Variants in CMC1 observed in about 807,000 individuals in gnomAD.
CMC1 encodes COX assembly mitochondrial protein homolog.
Under a neutral mutation model 14.1 loss-of-function variants are expected in CMC1, and 14 were observed. The observed-to-expected ratio is 0.99, with a 90% confidence interval of 0.66 to 1.55. The LOEUF (loss-of-function observed/expected upper bound fraction) is 1.55, where lower values mean the gene tolerates loss of function less well. Among genes scored for constraint, CMC1 ranks in the 40% most tolerant of loss-of-function variants. CMC1 has a pLI of 0.00. For missense variants in CMC1, 127 were observed against 123.8 expected (o/e 1.03, Z -0.12); for synonymous variants, 50 against 38.4 (o/e 1.30, Z -1.12).
intron 2 of CMC1, among the ~76,000 whole-genome samples, chr3:28,308,995 T>C (rs116356268): frequency 3.7e-5 from 2 of 53,606 alleles, no homozygotes; most frequent in Admixed American, 5.3e-4. Flanking sequence ...AAAAAATAAA[T>C]AAATAAATAA....
intron 2 of CMC1, among the ~76,000 whole-genome samples, chr3:28,307,446 T>G (rs1479281095): frequency 6.6e-6 from 1 of 152,108 alleles, no homozygotes; most frequent in Non-Finnish European, 1.5e-5. Flanking sequence ...GGAGGATCAC[T>G]TGAGCCCAGA....
chr3:28,304,239 C>G (rs1408033440), intron 2 of CMC1, among the ~76,000 whole-genome samples: 1 of 151,882 alleles, frequency 6.6e-6, no homozygotes, highest in Non-Finnish European at 1.5e-5. Flanking sequence ...AAAATAATAT[C>G]TTTTTAACAT....
At chr3:28,279,801 T>A (rs182370416) in intron 2 of CMC1, among the ~76,000 whole-genome samples, 1 of 152,132 alleles carries the variant, frequency 6.6e-6, no homozygotes, top group East Asian at 1.9e-4. Flanking sequence ...TGTAGGACAA[T>A]AACATAAGGA....
intron 2 of CMC1, among the ~76,000 whole-genome samples, chr3:28,287,442 C>T (rs1280836074): frequency 1.3e-5 from 2 of 152,066 alleles, no homozygotes; most frequent in Admixed American, 1.3e-4. Flanking sequence ...GAGTTAGACT[C>T]CTACTGTTTT....
intron 2 of CMC1, among the ~76,000 whole-genome samples, chr3:28,308,987 AAAATAAAT>A (rs71087687): frequency 1.8e-5 from 1 of 54,630 alleles, no homozygotes; most frequent in Admixed American, 2.4e-4. Context: ...GTCTCAAAAA[AAAATAAAT>A]AAATAAATAA....
intron 2 of CMC1, among the ~76,000 whole-genome samples, chr3:28,296,519 A>C (rs201486556): frequency 2.0e-5 from 3 of 152,032 alleles, no homozygotes; most frequent in African/African-American, 7.2e-5. Context: ...TTTTAAAATT[A>C]AAAATATTCT....
At chr3:28,282,567 G>T (rs1446172403) in intron 2 of CMC1, among the ~76,000 whole-genome samples, 1 of 152,116 alleles carries the variant, frequency 6.6e-6, no homozygotes, top group African/African-American at 2.4e-5. Context: ...ACATATTTTA[G>T]CTATGTTTAG....
At chr3:28,241,894 T>G in intron 1 of CMC1, 82 bp downstream of exon 1, 1 of 1,206,436 alleles carries the variant, frequency 8.3e-7, no homozygotes, top group Non-Finnish European at 1.0e-6. Flanking sequence ...GATGCCGACC[T>G]GGGAAAGGTG....
At chr3:28,281,335 G>A (rs903823012) in intron 2 of CMC1, among the ~76,000 whole-genome samples, 3 of 152,130 alleles carry the variant, frequency 2.0e-5, no homozygotes, top group Non-Finnish European at 4.4e-5. Flanking sequence ...ATTTCTAAGT[G>A]TTGGTAATAT....
rs931604969 is a variant in CMC1 at position 28,324,621 on chromosome 3, A to C, written c.*4992A>C. 1 of 532,506 alleles carries C rather than the reference A, an allele frequency of 1.9e-6. No homozygotes were observed. Among genetic ancestry groups the C allele is most frequent in the African/African-American group, 1.9e-5 (1 of 51,300 alleles). 33.0% of individuals were successfully genotyped at this position (532,506 alleles called of 1,614,324 possible). Reference sequence around the variant, plus strand: ...TAGGAGATAAATGACAGATGATCTGAGTTTTAATCCTGGATCAGCAATTTA... The same window carrying C: ...TAGGAGATAAATGACAGATGATCTGCGTTTTAATCCTGGATCAGCAATTTA... On this transcript the variant is annotated 3_prime_UTR_variant, in exon 4 of 4. Coordinates refer to ENST00000466830, the MANE Select transcript of CMC1 (RefSeq NM_182523.2).
chr3:28,256,703 G>T (rs1387214044), intron 1 of CMC1, among the ~76,000 whole-genome samples: 1 of 152,194 alleles, frequency 6.6e-6, no homozygotes, highest in Non-Finnish European at 1.5e-5. Flanking sequence ...GATAAGGGAG[G>T]AGAGTCATAG....
chr3:28,245,842 T>TA (rs1698797582), intron 1 of CMC1, among the ~76,000 whole-genome samples: 1 of 152,212 alleles, frequency 6.6e-6, no homozygotes, highest in African/African-American at 2.4e-5. Flanking sequence ...TACTAGCCCT[T>TA]ACATTTACTA....
chr3:28,275,972 G>A (rs1371453705), intron 2 of CMC1, among the ~76,000 whole-genome samples: 2 of 152,174 alleles, frequency 1.3e-5, no homozygotes, highest in Non-Finnish European at 2.9e-5. Context: ...GGCACCGGCA[G>A]GGGAAAATGG....
intron 1 of CMC1, chr3:28,253,706 A>C (rs1372306949): frequency 8.0e-7 from 1 of 1,257,552 alleles, no homozygotes; most frequent in Non-Finnish European, 1.0e-6. Context: ...GTTTATTACA[A>C]GCATTTTTCA....
intron 2 of CMC1, among the ~76,000 whole-genome samples, chr3:28,280,188 C>T (rs1445774519): frequency 6.6e-6 from 1 of 152,076 alleles, no homozygotes; most frequent in Non-Finnish European, 1.5e-5. Flanking sequence ...GAACAGGCAA[C>T]ATTTATATAG....
chr3:28,266,757 A>T (rs1677925928), intron 2 of CMC1, among the ~76,000 whole-genome samples: 1 of 152,178 alleles, frequency 6.6e-6, no homozygotes. Context: ...CAAGATTATA[A>T]ACTCTGTTGA....
At position 28,324,068 on chromosome 3, in the gene CMC1, T is replaced by G. The variant is rs760583511; in HGVS notation, c.*4439T>G. On this transcript the variant is annotated 3_prime_UTR_variant, in exon 4 of 4. Transcript: ENST00000466830. ...TAATTCTTATAAAGGCAGTTCTGAT[T>G]ATGTTGATCCAAGTAATGCAGTGGT... 1 of 1,609,018 alleles carries G rather than the reference T, an allele frequency of 6.2e-7. No homozygotes were observed. Among genetic ancestry groups the G allele is most frequent in the Non-Finnish European group, 8.5e-7 (1 of 1,176,670 alleles).
intron 2 of CMC1, among the ~76,000 whole-genome samples, chr3:28,310,827 C>T: frequency 6.6e-6 from 1 of 152,144 alleles, no homozygotes; most frequent in East Asian, 1.9e-4. Flanking sequence ...TGAAACTATT[C>T]CACCTCAGAT....
rs17021335 is a variant in CMC1 at position 28,283,804 on chromosome 3, T to C, written c.109+20424T>C. Among the ~76,000 whole-genome samples, 1,161 of 152,250 alleles carry C rather than the reference T, an allele frequency of 7.6e-3. 13 individuals carry two copies. The highest frequency in any genetic ancestry group is 0.026 in the African/African-American group (1,072 of 41,528). ...TTACTGCAGTTACAGTGTCTGCTTA[T>C]TTCTTGTCACTCACCTACACAGACT... On this transcript the variant is annotated intron_variant, in intron 2 of 3. Coordinates refer to ENST00000466830, the MANE Select transcript of CMC1 (RefSeq NM_182523.2).
Sources: allele counts gnomAD v4.1 joint callset (sites outside exome capture counted in the v4.1 genomes callset), GRCh38; gene constraint gnomAD v4.1.1; transcripts MANE v1.5; gene names NCBI Gene and HGNC (gene_info 2026-07-23, HGNC 2026-07-21).